The following KCTD2 variants were observed in gnomAD, a reference collection of about 807,000 sequenced individuals.
KCTD2 encodes BTB/POZ domain-containing protein KCTD2.
KCTD2 carries 18 observed loss-of-function variants against 27.9 expected under a neutral mutation model. That is an observed-to-expected ratio of 0.64 (90% CI 0.45 to 0.96). The LOEUF (loss-of-function observed/expected upper bound fraction) is 0.96, where lower values mean the gene tolerates loss of function less well. KCTD2 is among the 40% of genes least tolerant of loss of function. The pLI is 0.00. For missense variants in KCTD2, 280 were observed against 348.0 expected, an observed-to-expected ratio of 0.80 and a Z score of 1.56; for synonymous variants, 175 against 148.4, an observed-to-expected ratio of 1.18 and a Z score of -1.30.
Position 75,065,853 on chromosome 17 carries a change from G to T in KCTD2, c.*2806G>T, listed in dbSNP as rs1259859818. 1.3e-5 allele frequency: 2 copies of T among 152,174 alleles called. No individual in the cohort carries two copies. The allele number at this position is 152,174 out of a possible 1,614,324, so 9.4% of individuals were successfully genotyped here. A position where few individuals can be genotyped will look rare whatever the true frequency, so the allele number is the denominator to read the frequency against. On this transcript the variant is annotated 3_prime_UTR_variant, in exon 6 of 6. Coordinates refer to ENST00000322444, the MANE Select transcript of KCTD2 (RefSeq NM_015353.3). ...AGTCTGAAATGCTGTGACTTTTTTT[G>T]TGTGAATAAAGATATGAAACTTCTG...
At chr17:75,054,493 G>T (rs866374956) in intron 3 of KCTD2, among the ~76,000 whole-genome samples, 21 of 152,140 alleles carry the variant, frequency 1.4e-4, no homozygotes, top group African/African-American at 5.1e-4. Flanking sequence ...GTAAGTAATT[G>T]AAAGTCCTTG....
intron 4 of KCTD2, among the ~76,000 whole-genome samples, chr17:75,061,268 C>T (rs1172384098): frequency 6.6e-6 from 1 of 152,156 alleles, no homozygotes; most frequent in Non-Finnish European, 1.5e-5. Context: ...CTGGGATGCC[C>T]TCACCCTCTG....
intron 4 of KCTD2, 121 bp from the exon 5 acceptor site, chr17:75,061,999 T>C (rs994714229): frequency 8.9e-7 from 1 of 1,122,170 alleles, no homozygotes; most frequent in Non-Finnish European, 1.3e-6. Context: ...AGAGAACTCA[T>C]ATAAAGAGTT....
chr17:75,032,673 A>AG lies in KCTD2; in HGVS notation c.-520dup. ...AGTGAGGTTAGAGCTGTAAGATCCAAGACCCAGGGAGACAAGAGGACCCTG... is the reference window on the plus strand; with the variant it reads ...AGTGAGGTTAGAGCTGTAAGATCCAAGGACCCAGGGAGACAAGAGGACCCTG... On this transcript the variant is annotated 5_prime_UTR_variant, in exon 1 of 8. Transcript: ENST00000581589. The surrounding 1 kb of genome is among the most constrained non-coding windows in gnomAD (Gnocchi z 4.8). 6.6e-6 allele frequency: 1 copy of AG among 151,796 alleles called. No homozygotes were observed. Among genetic ancestry groups the AG allele is most frequent in the Non-Finnish European group, 1.5e-5 (1 of 67,988 alleles). The allele number at this position is 151,796 out of a possible 1,614,324, so 9.4% of individuals were successfully genotyped here. A position where few individuals can be genotyped will look rare whatever the true frequency, so the allele number is the denominator to read the frequency against.
intron 1 of KCTD2, chr17:75,033,059 C>T (rs573024490): frequency 6.6e-6 from 1 of 152,258 alleles, no homozygotes; most frequent in South Asian, 2.1e-4. Flanking sequence ...TGGTAACCGA[C>T]GCTGCCCTTG....
chr17:75,046,535 G>A (rs1371276731), upstream of KCTD2, among the ~76,000 whole-genome samples: 1 of 152,252 alleles, frequency 6.6e-6, no homozygotes, highest in Non-Finnish European at 1.5e-5. Flanking sequence ...AATCCTGGAA[G>A]CTGCCGAAGG....
At chr17:75,041,216 C>A (rs2073156130) in intron 3 of KCTD2, 1 of 151,662 alleles carries the variant, frequency 6.6e-6, no homozygotes, top group Non-Finnish European at 1.5e-5. Flanking sequence ...AAAAATTAGC[C>A]AGGCATGGTG....
chr17:75,042,526 G>C, upstream of KCTD2: 1 of 1,611,194 alleles, frequency 6.2e-7, no homozygotes, highest in East Asian at 2.2e-5. Flanking sequence ...GAAACATACT[G>C]ACCTGGAGGT....
upstream of KCTD2, among the ~76,000 whole-genome samples, chr17:75,044,817 A>C (rs2073196881): frequency 6.6e-6 from 1 of 152,216 alleles, no homozygotes; most frequent in Non-Finnish European, 1.5e-5. Flanking sequence ...GTGGAATGCA[A>C]GGGAGGCGGA....
intron 5 of KCTD2, 98 bp downstream of exon 5, chr17:75,062,343 CCTT>C: frequency 2.5e-6 from 3 of 1,189,486 alleles, no homozygotes; most frequent in Non-Finnish European, 3.5e-6. Flanking sequence ...TCTTCCCTGG[CCTT>C]CTAGAGCCAG....
At position 75,047,340 on chromosome 17, in the gene KCTD2, G is replaced by A. The variant is rs1354114245; in HGVS notation, c.90G>A (p.Gly30=). 42 of 1,152,106 alleles carry A rather than the reference G, an allele frequency of 3.6e-5. No homozygotes were observed. Among genetic ancestry groups the A allele is most frequent in the African/African-American group, 4.9e-5 (3 of 61,026 alleles). The allele number at this position is 1,152,106 out of a possible 1,614,324, so 71.4% of individuals were successfully genotyped here. ...GCGACGGGGGTGGCCCAGTCCGCGGGCCCCCCAGCCCACGCCCGGCTGGCC... is the reference window on the plus strand; with the variant it reads ...GCGACGGGGGTGGCCCAGTCCGCGGACCCCCCAGCCCACGCCCGGCTGGCC... ...GVGDGGGPVR[G]PPSPRPAGPT... Residue 30 remains glycine, a synonymous_variant, in exon 1 of 6, where the codon GGG becomes GGA. Transcript: ENST00000322444.
At chr17:75,056,641 T>G (rs2073352690) in intron 3 of KCTD2, among the ~76,000 whole-genome samples, 3 of 152,232 alleles carry the variant, frequency 2.0e-5, no homozygotes, top group African/African-American at 7.2e-5. Flanking sequence ...GTCCTTTTTA[T>G]GTAGTGAAAC....
At position 75,052,946 on chromosome 17, in the gene KCTD2, ATCCTCTCCT is replaced by A; in HGVS notation, c.449-66_449-58del. Reference sequence around the variant, plus strand: ...AGTTTTTAGCAAGCATGTAACCTTCATCCTCTCCTTGGTGTTTTTCTGGCAAACCCTCGC... The same window carrying A: ...AGTTTTTAGCAAGCATGTAACCTTCATGGTGTTTTTCTGGCAAACCCTCGC... On this transcript the variant is annotated intron_variant, in intron 2 of 5. Coordinates refer to ENST00000322444, the MANE Select transcript of KCTD2 (RefSeq NM_015353.3). 2.7e-6 allele frequency: 3 copies of A among 1,114,216 alleles called. No individual in the cohort carries two copies. In the East Asian group the frequency reaches 7.1e-5, roughly 26 times the overall value. The allele number at this position is 1,114,216 out of a possible 1,614,324, so 69.0% of individuals were successfully genotyped here.
At chr17:75,053,131 G>A in intron 3 of KCTD2, 26 bp downstream of exon 3, 2 of 1,578,328 alleles carry the variant, frequency 1.3e-6, no homozygotes, top group Non-Finnish European at 1.7e-6. Flanking sequence ...CTGTTAAGGA[G>A]GGTTGTTTCA....
At position 75,062,901 on chromosome 17, in the gene KCTD2, T is replaced by C; in HGVS notation, c.763-117T>C. 2.7e-6 allele frequency: 3 copies of C among 1,099,256 alleles called. No individual in the cohort carries two copies. The Admixed American group carries it at 5.7e-5, about 21-fold the overall frequency. 68.1% of individuals were successfully genotyped at this position (1,099,256 alleles called of 1,614,324 possible). On this transcript the variant is annotated intron_variant, in intron 5 of 5. Coordinates refer to ENST00000322444, the MANE Select transcript of KCTD2 (RefSeq NM_015353.3). ...GGTGAGGCTGCGGCTGCACCCCTGC[T>C]TGCTTCCTGGGATGACAGGACCATC... is the stretch of plus-strand genomic sequence containing the variant.
At position 75,047,901 on chromosome 17, in the gene KCTD2, T is replaced by A. The variant is rs538808872; in HGVS notation, c.339+312T>A. Reference sequence around the variant, plus strand: ...TTCTCCATATTCTCTGCCCCTGACATCCCACTGAGATCTGCATGAGTTTTC... The same window carrying A: ...TTCTCCATATTCTCTGCCCCTGACAACCCACTGAGATCTGCATGAGTTTTC... On this transcript the variant is annotated intron_variant, in intron 1 of 5. Transcript: ENST00000322444. 2.0e-5 allele frequency among the ~76,000 whole-genome samples: 3 copies of A among 152,184 alleles called. No homozygotes were observed. The South Asian group carries it at 6.2e-4, about 32-fold the overall frequency.
chr17:75,047,236 C>A lies in KCTD2; in HGVS notation c.-15C>A. 3 of 689,720 alleles carry A rather than the reference C, an allele frequency of 4.3e-6. No individual in the cohort carries two copies. Among genetic ancestry groups the A allele is most frequent in the Non-Finnish European group, 5.5e-6 (3 of 547,460 alleles). The allele number at this position is 689,720 out of a possible 1,614,324, so 42.7% of individuals were successfully genotyped here. A position where few individuals can be genotyped will look rare whatever the true frequency, so the allele number is the denominator to read the frequency against. On this transcript the variant is annotated 5_prime_UTR_variant, in exon 1 of 6. Transcript: ENST00000322444. ...GGCTGCGCGCGGGCAGCAGCGGTGGCGGCGGCGGTCCAAGATGGCGGAACT... is the reference window on the plus strand; with the variant it reads ...GGCTGCGCGCGGGCAGCAGCGGTGGAGGCGGCGGTCCAAGATGGCGGAACT...
At position 75,063,834 on chromosome 17, in the gene KCTD2, G is replaced by C. The variant is rs1347395867; in HGVS notation, c.*787G>C. The stretch of plus-strand genomic sequence containing the variant: ...CAGACAAGTGGGAGCTGTAGGAACT[G>C]CACCTGCAGCCTCTTCTTACTCCCC... On this transcript the variant is annotated 3_prime_UTR_variant, in exon 6 of 6. Transcript: ENST00000322444. The C allele has an allele frequency of 6.5e-6, 1 of 152,684 alleles. No individual in the cohort carries two copies. Among genetic ancestry groups the C allele is most frequent in the Non-Finnish European group, 1.5e-5 (1 of 68,098 alleles). 9.5% of individuals were successfully genotyped at this position (152,684 alleles called of 1,614,324 possible). A position where few individuals can be genotyped will look rare whatever the true frequency, so the allele number is the denominator to read the frequency against.
Position 75,065,284 on chromosome 17 carries a change from T to G in KCTD2, c.*2237T>G, listed in dbSNP as rs2144948637. ...CTGTATTGTTCCAGCGCTCCAGGAC[T>G]CTGGGTTCTTAAGATTTCTGGGAGC... On this transcript the variant is annotated 3_prime_UTR_variant, in exon 6 of 6. Transcript: ENST00000322444. The G allele has an allele frequency of 6.6e-6, 1 of 152,354 alleles. No homozygotes were observed. Among genetic ancestry groups the G allele is most frequent in the South Asian group, 2.1e-4 (1 of 4,824 alleles). The allele number at this position is 152,354 out of a possible 1,614,324, so 9.4% of individuals were successfully genotyped here. A position where few individuals can be genotyped will look rare whatever the true frequency, so the allele number is the denominator to read the frequency against.
Sources: gnomAD v4.1 joint callset for allele counts (sites outside exome capture counted in the v4.1 genomes callset) on GRCh38, gnomAD v4.1.1 for gene constraint, Gnocchi (gnomAD v3.1) non-coding constraint, MANE v1.5 for transcripts, NCBI Gene and HGNC (gene_info 2026-07-23, HGNC 2026-07-21) for gene names.